Variants in LUC7L observed in about 807,000 individuals in gnomAD.
LUC7L encodes the protein LUC7 like, also known as putative RNA-binding protein Luc7-like 1.
Under a neutral mutation model 51.1 loss-of-function variants are expected in LUC7L, and 29 were observed. The observed-to-expected ratio is 0.57, with a 90% CI of 0.42 to 0.77. The LOEUF (loss-of-function observed/expected upper bound fraction) is 0.77. Among genes scored for constraint, LUC7L ranks in the 30% least tolerant of loss-of-function variants. The probability of loss-of-function intolerance (pLI) is 0.00; values close to 1 mark genes in which losing one functional copy is unlikely to be tolerated. For missense variants in LUC7L, 403 were observed against 511.9 expected, an observed-to-expected ratio of 0.79 and a Z score of 2.05; for synonymous variants, 181 against 180.7, an observed-to-expected ratio of 1.00 and a Z score of -0.01.
At chr16:220,904 G>A (rs2049946402) in intron 2 of LUC7L, among the ~76,000 whole-genome samples, 157 bp from the exon 3 acceptor site, 1 of 152,200 alleles carries the variant, frequency 6.6e-6, no homozygotes, top group Non-Finnish European at 1.5e-5. Flanking sequence ...TGGCTGAGAA[G>A]CCTCATTTCA....
At chr16:211,956 G>A (rs1266906195) in intron 3 of LUC7L, among the ~76,000 whole-genome samples, 1 of 152,198 alleles carries the variant, frequency 6.6e-6, no homozygotes. Flanking sequence ...CAGCAGACAG[G>A]TGCCCTTGTG....
intron 3 of LUC7L, among the ~76,000 whole-genome samples, chr16:216,175 A>AT (rs2142096946): frequency 6.8e-6 from 1 of 147,680 alleles, no homozygotes; most frequent in East Asian, 2.1e-4. Context: ...CTAATTTTCA[A>AT]TTTTTAATAG....
At position 189,331 on chromosome 16, in the gene LUC7L, C is replaced by G; in HGVS notation, c.983G>C (p.Arg328Thr). The part of the protein sequence containing the change: ...RDRSAKYKFS[R>T]ERASREESWE... ...GGACTCCTCTCTGGATGCCCGCTCT[C>G]TGGAGAACCTGGGAAATGGGAACCA... is the stretch of plus-strand genomic sequence containing the variant. The change falls in exon 10 of 10, where the codon AGA becomes ACA. Residue 328 changes from arginine (R) to threonine (T), a missense_variant. Physicochemically the swap from Arg to Thr is moderately conservative, Grantham distance 71. Around this residue, in one of 3 missense-constraint regions of LUC7L, gnomAD observed 206 missense variants for 218.3 expected, o/e 0.94. Transcript: ENST00000293872. The G allele has an allele frequency of 6.2e-7, 1 of 1,608,648 alleles. No individual in the cohort carries two copies. The highest frequency in any genetic ancestry group is 8.5e-7 in the Non-Finnish European group (1 of 1,177,800).
chr16:201,685 C>T lies in LUC7L; in HGVS notation c.511-2447G>A, dbSNP rs554427251. Among the ~76,000 whole-genome samples the T allele has an allele frequency of 2.0e-3, 307 of 151,290 alleles. 1 individual carries two copies. Among genetic ancestry groups the T allele is most frequent in the African/African-American group, 5.6e-3 (232 of 41,298 alleles). On this transcript the variant is annotated intron_variant, in intron 5 of 9. Coordinates refer to ENST00000293872, the MANE Select transcript of LUC7L (RefSeq NM_201412.3). ...CGATCTCCTGACCTCGTGATCCACC[C>T]GCCTCAGCCTCCCAAAGTGATGGGA...
At chr16:201,585 G>A (rs903783352) in intron 5 of LUC7L, among the ~76,000 whole-genome samples, 4 of 151,892 alleles carry the variant, frequency 2.6e-5, no homozygotes, top group African/African-American at 7.3e-5. Context: ...GACTACAAGC[G>A]CACGCCGCCA....
chr16:189,456 TGGAAACCCCCC>T (rs2048950680), intron 9 of LUC7L, 117 bp from the exon 10 acceptor site: 1 of 1,429,020 alleles, frequency 7.0e-7, no homozygotes, highest in East Asian at 2.5e-5. Context: ...CCCCTATACC[TGGAAACCCCCC>T]GGAGGCCAAC....
intron 4 of LUC7L, among the ~76,000 whole-genome samples, chr16:207,692 A>C (rs1191909599): frequency 6.6e-6 from 1 of 152,158 alleles, no homozygotes; most frequent in Non-Finnish European, 1.5e-5. Flanking sequence ...CTGTCCACAC[A>C]ATCAGTGCTG....
rs372906826 is a variant in LUC7L, at chr16:221,186, A to ATTTTTTTTTTTTTT, written c.157-453_157-440dup. Among the ~76,000 whole-genome samples, 27 of 101,244 alleles carry ATTTTTTTTTTTTTT rather than the reference A, an allele frequency of 2.7e-4. 1 individual carries two copies. The highest frequency in any genetic ancestry group is 3.6e-4 in the Admixed American group (3 of 8,308). 66.4% of individuals were successfully genotyped at this position (101,244 alleles called of 152,430 possible). ...AGGCACGTGATACCACACCCAGCTA[A>ATTTTTTTTTTTTTT]TTTTTTTTTTTTTTTTTTTTTTTTT... On this transcript the variant is annotated intron_variant, in intron 2 of 9. Transcript: ENST00000293872.
Position 189,121 on chromosome 16 carries a change from G to A in LUC7L, c.*77C>T, listed in dbSNP as rs774687862. On this transcript the variant is annotated 3_prime_UTR_variant, in exon 10 of 10. Transcript: ENST00000293872. Reference sequence around the variant, plus strand: ...AATTTTAAACTACAAAAGATGAGTTGTATTCAGCAAATATAAAGGGTAATT... The same window carrying A: ...AATTTTAAACTACAAAAGATGAGTTATATTCAGCAAATATAAAGGGTAATT... The A allele has an allele frequency of 2.8e-6, 4 of 1,421,858 alleles. No individual in the cohort carries two copies. Among genetic ancestry groups the A allele is most frequent in the Non-Finnish European group, 2.9e-6 (3 of 1,038,784 alleles). 88.1% of individuals were successfully genotyped at this position (1,421,858 alleles called of 1,614,324 possible).
intron 2 of LUC7L, among the ~76,000 whole-genome samples, chr16:222,023 C>G (rs112252042): frequency 1.3e-5 from 2 of 152,272 alleles, no homozygotes; most frequent in African/African-American, 4.8e-5. Context: ...CCACTCAGTT[C>G]CTCCATTTGA....
rs562179307 is a variant in LUC7L at position 209,438 on chromosome 16, C to CGAGATGG, written c.256-1257_256-1251dup. The CGAGATGG allele has an allele frequency of 4.7e-4, 66 of 141,226 alleles. No homozygotes were observed. In the South Asian group the frequency reaches 0.013, roughly 27 times the overall value. 8.7% of individuals were successfully genotyped at this position (141,226 alleles called of 1,614,324 possible). On this transcript the variant is annotated intron_variant, in intron 3 of 9. Transcript: ENST00000293872. ...CTGGGAGGAAGAGGTTGCAGTGAGC[C>CGAGATGG]GAGATGGCACCACTGCACTCCAGCC...
intron 3 of LUC7L, among the ~76,000 whole-genome samples, chr16:212,047 A>G (rs1227822157): frequency 6.6e-6 from 1 of 152,082 alleles, no homozygotes; most frequent in African/African-American, 2.4e-5. Context: ...TAATCCTAGC[A>G]CTTTGGGAGG....
intron 2 of LUC7L, among the ~76,000 whole-genome samples, chr16:222,921 C>G (rs866188713): frequency 5.5e-5 from 8 of 144,826 alleles, no homozygotes; most frequent in Admixed American, 4.9e-4. Flanking sequence ...TGAGCCACCT[C>G]GCCCAGCTTT....
At chr16:221,186 ATTTT>A (rs372906826) in intron 2 of LUC7L, among the ~76,000 whole-genome samples, 1 of 101,260 alleles carries the variant, frequency 9.9e-6, no homozygotes, top group African/African-American at 3.7e-5. Context: ...CACCCAGCTA[ATTTT>A]TTTTTTTTTT....
intron 5 of LUC7L, among the ~76,000 whole-genome samples, chr16:200,200 A>T (rs1259949343): frequency 6.6e-6 from 1 of 152,008 alleles, no homozygotes; most frequent in African/African-American, 2.4e-5. Flanking sequence ...AGGCAGGCGA[A>T]TCATGGGGTC....
intron 6 of LUC7L, among the ~76,000 whole-genome samples, chr16:193,498 C>T (rs1453666350): frequency 6.6e-6 from 1 of 151,914 alleles, no homozygotes; most frequent in Admixed American, 6.6e-5. Flanking sequence ...TGAAAAAATG[C>T]TTTATCATTA....
Position 189,145 on chromosome 16 carries a change from T to C in LUC7L, c.*53A>G, listed in dbSNP as rs1385204193. On this transcript the variant is annotated 3_prime_UTR_variant, in exon 10 of 10. Coordinates refer to ENST00000293872, the MANE Select transcript of LUC7L (RefSeq NM_201412.3). ...TGTATTCAGCAAATATAAAGGGTAA[T>C]TTTAGACTGTGTGAACGTTTATCAG... is the stretch of plus-strand genomic sequence containing the variant. The C allele has an allele frequency of 1.3e-6, 2 of 1,541,204 alleles. No homozygotes were observed. Among genetic ancestry groups the C allele is most frequent in the Admixed American group, 3.8e-5 (2 of 52,496 alleles).
chr16:213,948 T>C (rs1302552182), intron 3 of LUC7L, among the ~76,000 whole-genome samples: 2 of 151,322 alleles, frequency 1.3e-5, no homozygotes, highest in Non-Finnish European at 2.9e-5. Context: ...TCTCCTGATC[T>C]TGTGATCTGC....
At chr16:198,705 G>C (rs1022475145) in intron 6 of LUC7L, among the ~76,000 whole-genome samples, 1 of 149,422 alleles carries the variant, frequency 6.7e-6, no homozygotes, top group Non-Finnish European at 1.5e-5. Flanking sequence ...TTTTTTTTTT[G>C]AGATGGAGTC....
Sources: allele counts gnomAD v4.1 joint callset (sites outside exome capture counted in the v4.1 genomes callset), GRCh38; gene constraint gnomAD v4.1.1; regional missense constraint gnomAD v4.1.1; transcripts MANE v1.5; gene names NCBI Gene and HGNC (gene_info 2026-07-23, HGNC 2026-07-21).